Variants in LY6S observed in about 807,000 individuals in gnomAD.
The protein encoded by LY6S is lymphocyte antigen 6S.
the LY6S span, among the ~76,000 whole-genome samples, chr8:143,070,433 T>A: frequency 2.1e-5 from 2 of 94,882 alleles, no homozygotes; most frequent in Non-Finnish European, 3.6e-5. Flanking sequence ...TATATATATA[T>A]TATATATATA....
the LY6S span, among the ~76,000 whole-genome samples, chr8:143,072,072 G>GA: frequency 3.3e-5 from 5 of 151,636 alleles, no homozygotes; most frequent in South Asian, 2.1e-4. Context: ...TTATTTATCT[G>GA]AAAAAATGCC....
At chr8:143,053,997 A>G in the LY6S span, 1 of 152,098 alleles carries the variant, frequency 6.6e-6, no homozygotes, top group Non-Finnish European at 1.5e-5. Flanking sequence ...GGGACCATCA[A>G]CATTTCCTAT....
At chr8:143,050,926 C>T in the LY6S span, among the ~76,000 whole-genome samples, 2 of 152,196 alleles carry the variant, frequency 1.3e-5, no homozygotes, top group African/African-American at 2.4e-5. Flanking sequence ...GGCTCGGGGT[C>T]GGGGAAAGGC....
At chr8:143,042,605 C>T in the LY6S span, 376 of 185,208 alleles carry the variant, frequency 2.0e-3, 14 homozygotes, top group South Asian at 0.041. Flanking sequence ...CGAGTGCTGA[C>T]GCTGAGTGGG....
the LY6S span, among the ~76,000 whole-genome samples, chr8:143,045,991 C>CT: frequency 2.6e-5 from 4 of 152,212 alleles, no homozygotes; most frequent in East Asian, 7.8e-4. The surrounding 1 kb of genome is among the most constrained non-coding windows in gnomAD (Gnocchi z 5.3). Context: ...GTAGCTGTGA[C>CT]TACAGGTGCC....
At chr8:143,061,394 T>C in the LY6S span, among the ~76,000 whole-genome samples, 1 of 152,270 alleles carries the variant, frequency 6.6e-6, no homozygotes, top group South Asian at 2.1e-4. Flanking sequence ...GACAATATTT[T>C]AATCCTACAT....
the LY6S span, among the ~76,000 whole-genome samples, chr8:143,045,520 C>T: frequency 1.3e-5 from 2 of 152,192 alleles, no homozygotes; most frequent in Non-Finnish European, 2.9e-5. This position sits in a 1 kb window ranked among gnomAD's most constrained non-coding sequence, Gnocchi z 5.3. Context: ...GTCTGCCTCA[C>T]GCCCCCACCC....
At chr8:143,054,601 C>A in the LY6S span, among the ~76,000 whole-genome samples, 3 of 152,202 alleles carry the variant, frequency 2.0e-5, no homozygotes, top group Admixed American at 1.3e-4. Flanking sequence ...GTATCTACGA[C>A]TCCCTCCACT....
At chr8:143,043,327 C>T in the LY6S span, 6 of 1,084,186 alleles carry the variant, frequency 5.5e-6, no homozygotes, top group South Asian at 1.4e-5. Context: ...TTGTTCTCCC[C>T]TCTCACTTTA....
At chr8:143,068,570 T>A in the LY6S span, among the ~76,000 whole-genome samples, 1 of 152,078 alleles carries the variant, frequency 6.6e-6, no homozygotes, top group African/African-American at 2.4e-5. Context: ...AAGAGCCAAT[T>A]AAACCTCTTC....
the LY6S span, among the ~76,000 whole-genome samples, chr8:143,071,812 A>G: frequency 0.76 from 115,340 of 151,912 alleles, 44,089 homozygotes; most frequent in East Asian, 0.93. Flanking sequence ...GAGGGTCTCC[A>G]CTTAATCTTC....
the LY6S span, among the ~76,000 whole-genome samples, chr8:143,069,570 G>A: frequency 2.0e-5 from 3 of 152,266 alleles, no homozygotes; most frequent in African/African-American, 4.8e-5. Context: ...ATGCCAGCCC[G>A]TGCTCCAGGT....
chr8:143,068,054 G>A, the LY6S span, among the ~76,000 whole-genome samples: 3 of 152,128 alleles, frequency 2.0e-5, no homozygotes, highest in Non-Finnish European at 4.4e-5. Context: ...TTGGGCTGGG[G>A]GATGTAAGGT....
chr8:143,067,843 C>T, the LY6S span, among the ~76,000 whole-genome samples: 4 of 152,310 alleles, frequency 2.6e-5, no homozygotes, highest in East Asian at 1.9e-4. Context: ...AAAGAGTAAC[C>T]GAGCAGTATT....
At chr8:143,065,657 C>T in the LY6S span, among the ~76,000 whole-genome samples, 3 of 151,916 alleles carry the variant, frequency 2.0e-5, no homozygotes, top group Non-Finnish European at 1.5e-5. Flanking sequence ...CGCAGTATTG[C>T]CTGTACTGGA....
chr8:143,052,276 G>A, the LY6S span, among the ~76,000 whole-genome samples: 19 of 151,812 alleles, frequency 1.3e-4, no homozygotes, highest in South Asian at 4.2e-4. Flanking sequence ...GCGAGACTCC[G>A]TCTCAAAAAA....
At chr8:143,064,405 G>A in the LY6S span, among the ~76,000 whole-genome samples, 3 of 152,170 alleles carry the variant, frequency 2.0e-5, no homozygotes, top group Non-Finnish European at 4.4e-5. Flanking sequence ...ATATCCACAG[G>A]TTGCTAGATG....
At chr8:143,042,695 G>A in the LY6S span, among the ~76,000 whole-genome samples, 1 of 152,196 alleles carries the variant, frequency 6.6e-6, no homozygotes, top group Non-Finnish European at 1.5e-5. Flanking sequence ...CTGGGACCAC[G>A]TTCCCTCCTT....
chr8:143,063,227 G>A, the LY6S span, among the ~76,000 whole-genome samples: 3 of 152,274 alleles, frequency 2.0e-5, no homozygotes, highest in South Asian at 4.2e-4. Flanking sequence ...AATTTCATAG[G>A]GACTTAACCT....
Sources: gnomAD v4.1 joint callset for allele counts (sites outside exome capture counted in the v4.1 genomes callset) on GRCh38, gnomAD v4.1.1 for gene constraint, Gnocchi (gnomAD v3.1) non-coding constraint, MANE v1.5 for transcripts, NCBI Gene and HGNC (gene_info 2026-07-23, HGNC 2026-07-21) for gene names.